MACROD2: variants seen among roughly 807,000 people sequenced by gnomAD.
MACROD2 encodes the protein mono-ADP ribosylhydrolase 2.
A neutral mutation model predicts 70.4 loss-of-function variants in MACROD2; 36 were observed. That is an observed-to-expected ratio of 0.51 (90% CI 0.39 to 0.68). MACROD2 has a LOEUF of 0.68. MACROD2 is among the 30% of genes least tolerant of loss of function. The pLI is 0.00. For missense variants in MACROD2, 496 were observed against 538.4 expected, an observed-to-expected ratio of 0.92 and a Z score of 0.78; for synonymous variants, 172 against 178.8, an observed-to-expected ratio of 0.96 and a Z score of 0.30.
chr20:15,174,318 G>T (rs970792103), intron 5 of MACROD2, among the ~76,000 whole-genome samples: 2 of 152,110 alleles, frequency 1.3e-5, no homozygotes, highest in Non-Finnish European at 2.9e-5. Context: ...AATTGATTAA[G>T]ATAATAATCC....
chr20:14,779,550 A>T (rs1391019530), intron 5 of MACROD2, among the ~76,000 whole-genome samples: 1 of 152,094 alleles, frequency 6.6e-6, no homozygotes, highest in Non-Finnish European at 1.5e-5. Context: ...GCTTTCTATT[A>T]TTCAAAATGG....
intron 8 of MACROD2, among the ~76,000 whole-genome samples, chr20:15,598,136 A>G (rs2048770756): frequency 6.6e-6 from 1 of 152,190 alleles, no homozygotes; most frequent in South Asian, 2.1e-4. Flanking sequence ...CACTTTCCCA[A>G]CTTTCCACCT....
intron 2 of MACROD2, among the ~76,000 whole-genome samples, chr20:14,078,441 T>C (rs551847021): frequency 2.0e-5 from 3 of 151,840 alleles, no homozygotes; most frequent in African/African-American, 7.3e-5. Flanking sequence ...AGTCTCGCTC[T>C]TATCCCCCAG....
chr20:14,427,659 C>T (rs2083949031), intron 3 of MACROD2, among the ~76,000 whole-genome samples: 1 of 151,964 alleles, frequency 6.6e-6, no homozygotes, highest in Admixed American at 6.6e-5. Context: ...TGGTCACAGA[C>T]TTTTGGAAAA....
intron 3 of MACROD2, among the ~76,000 whole-genome samples, chr20:14,276,135 C>G (rs1405358079): frequency 6.6e-6 from 1 of 152,010 alleles, no homozygotes; most frequent in Non-Finnish European, 1.5e-5. Flanking sequence ...GGGTGTATAC[C>G]CAAAGGACTG....
At chr20:14,250,726 A>G (rs1008983979) in intron 3 of MACROD2, among the ~76,000 whole-genome samples, 1 of 152,152 alleles carries the variant, frequency 6.6e-6, no homozygotes, top group Non-Finnish European at 1.5e-5. Context: ...TAGAGTCTCT[A>G]GCTTGTTGTA....
chr20:15,210,976 C>T (rs6079705), intron 5 of MACROD2, among the ~76,000 whole-genome samples: 17,297 of 152,120 alleles, frequency 0.11, 1,283 homozygotes, highest in African/African-American at 0.21. Context: ...CAGCTTTTTT[C>T]AAACGTACAA....
chr20:15,011,960 GT>G (rs2075086100), intron 5 of MACROD2, among the ~76,000 whole-genome samples: 1 of 152,176 alleles, frequency 6.6e-6, no homozygotes, highest in African/African-American at 2.4e-5. Context: ...TACAGCAGAA[GT>G]CAGAGAGGGG....
chr20:15,516,261 A>T (rs1045520742), intron 8 of MACROD2, among the ~76,000 whole-genome samples: 2 of 152,002 alleles, frequency 1.3e-5, no homozygotes, highest in African/African-American at 4.8e-5. Flanking sequence ...ATGTATTTCC[A>T]TATGTAACCT....
At chr20:15,389,273 A>T (rs2146290848) in intron 6 of MACROD2, among the ~76,000 whole-genome samples, 1 of 152,336 alleles carries the variant, frequency 6.6e-6, no homozygotes, top group Admixed American at 6.5e-5. Flanking sequence ...AAGAAGAGAG[A>T]GAGGGGCAAT....
intron 2 of MACROD2, among the ~76,000 whole-genome samples, chr20:14,060,728 A>C (rs944557053): frequency 3.9e-5 from 6 of 152,168 alleles, no homozygotes; most frequent in Admixed American, 6.5e-5. Flanking sequence ...TGACTTATTT[A>C]TAGATTGGCT....
At chr20:14,634,153 C>G (rs1984659201) in intron 4 of MACROD2, among the ~76,000 whole-genome samples, 1 of 152,186 alleles carries the variant, frequency 6.6e-6, no homozygotes, top group South Asian at 2.1e-4. Context: ...TTTCAAAAGT[C>G]TACTCACCTT....
In MACROD2 at chr20:15,861,110, G is replaced by C. The variant is rs115839130; in HGVS notation, c.646-1635G>C. Among the ~76,000 whole-genome samples the C allele has an allele frequency of 7.2e-3, 1,091 of 152,238 alleles. 11 individuals carry two copies. The highest frequency in any genetic ancestry group is 0.024 in the African/African-American group (1,010 of 41,538). On this transcript the variant is annotated intron_variant, in intron 8 of 17. Coordinates refer to ENST00000684519, the MANE Select transcript of MACROD2 (RefSeq NM_001351661.2). Reference sequence around the variant, plus strand: ...TTATGTAAGAATCCAGGATGCTTAAGCCACCTCAGTCTAACAGCCTCCCAA... The same window carrying C: ...TTATGTAAGAATCCAGGATGCTTAACCCACCTCAGTCTAACAGCCTCCCAA...
intron 3 of MACROD2, among the ~76,000 whole-genome samples, chr20:14,479,826 A>G (rs1399188455): frequency 6.6e-6 from 1 of 152,208 alleles, no homozygotes; most frequent in Admixed American, 6.5e-5. Flanking sequence ...TTTAAATATT[A>G]TGTATTATAA....
rs760417632 is a variant in MACROD2, at chr20:13,995,845, T to C, written c.46+36T>C. 81 of 298,406 alleles carry C rather than the reference T, an allele frequency of 2.7e-4. No individual in the cohort carries two copies. Among genetic ancestry groups the C allele is most frequent in the Admixed American group, 8.3e-4 (18 of 21,600 alleles). The allele number at this position is 298,406 out of a possible 1,614,324, so 18.5% of individuals were successfully genotyped here. ...CGTCGAGTCCTGGGGGTGCGGGCGGTGGGGGTTAGGGTGGGGGCGGGGGTC... is the reference window on the plus strand; with the variant it reads ...CGTCGAGTCCTGGGGGTGCGGGCGGCGGGGGTTAGGGTGGGGGCGGGGGTC... On this transcript the variant is annotated intron_variant, in intron 1 of 17. Transcript: ENST00000684519. This position sits in a 1 kb window ranked among gnomAD's most constrained non-coding sequence, Gnocchi z 4.3.
At chr20:15,996,369 G>A (rs958061325) in intron 15 of MACROD2, among the ~76,000 whole-genome samples, 1 of 151,924 alleles carries the variant, frequency 6.6e-6, no homozygotes, top group Non-Finnish European at 1.5e-5. Context: ...AAATGAATTT[G>A]GAAGTCTTCC....
chr20:15,177,699 T>C (rs973275588), intron 5 of MACROD2, among the ~76,000 whole-genome samples: 2 of 152,218 alleles, frequency 1.3e-5, no homozygotes, highest in Admixed American at 6.5e-5. Flanking sequence ...ATTTACTTCC[T>C]TTTCTGGAAA....
chr20:15,524,352 G>T (rs1386654900), intron 8 of MACROD2, among the ~76,000 whole-genome samples: 1 of 152,004 alleles, frequency 6.6e-6, no homozygotes. Flanking sequence ...AGTGTCCCTT[G>T]GACACAGCTG....
chr20:15,708,679 T>C (rs375764350), intron 8 of MACROD2, among the ~76,000 whole-genome samples: 27 of 131,504 alleles, frequency 2.1e-4, no homozygotes, highest in Admixed American at 1.5e-4. Flanking sequence ...TCAAGACCAG[T>C]CTGGGCACAA....
Sources: gnomAD v4.1 joint callset for allele counts (sites outside exome capture counted in the v4.1 genomes callset) on GRCh38, gnomAD v4.1.1 for gene constraint, Gnocchi (gnomAD v3.1) non-coding constraint, MANE v1.5 for transcripts, NCBI Gene and HGNC (gene_info 2026-07-23, HGNC 2026-07-21) for gene names.